The following PALM2AKAP2 variants were observed in gnomAD, a reference collection of about 807,000 sequenced individuals.
The protein encoded by PALM2AKAP2 is PALM2 and AKAP2 fusion.
Under a neutral mutation model 71.5 loss-of-function variants are expected in PALM2AKAP2, and 37 were observed. That is an observed-to-expected ratio of 0.52 (90% CI 0.40 to 0.68). The LOEUF is 0.68. Among genes scored for constraint, PALM2AKAP2 ranks in the 30% least tolerant of loss-of-function variants. The pLI is 0.00. For synonymous variants in PALM2AKAP2, 468 were observed against 478.8 expected (o/e 0.98, Z 0.29); for missense variants, 1,224 against 1,191.8 (o/e 1.03, Z -0.40).
At chr9:110,157,574 C>CT (rs1328464925) in intron 3 of PALM2AKAP2, among the ~76,000 whole-genome samples, 1 of 152,018 alleles carries the variant, frequency 6.6e-6, no homozygotes, top group Non-Finnish European at 1.5e-5. Context: ...TATTTTTTAA[C>CT]TTTTTTGTAG....
chr9:109,940,753 G>A (rs529955369), intron 6 of PALM2AKAP2, among the ~76,000 whole-genome samples: 19 of 152,260 alleles, frequency 1.2e-4, no homozygotes, highest in East Asian at 7.7e-4. Flanking sequence ...GTGAGAAGTC[G>A]TTATGGCCAC....
At chr9:109,943,478 G>A (rs1042104249) in intron 6 of PALM2AKAP2, 6 of 1,537,752 alleles carry the variant, frequency 3.9e-6, no homozygotes, top group East Asian at 2.2e-5. Flanking sequence ...CACCACTCAC[G>A]TAGACCTCAC....
intron 1 of PALM2AKAP2, among the ~76,000 whole-genome samples, chr9:110,112,601 T>C (rs897361360): frequency 2.0e-5 from 3 of 152,226 alleles, no homozygotes; most frequent in African/African-American, 7.2e-5. Flanking sequence ...AGGACCCATT[T>C]AGAGTATATG....
intron 1 of PALM2AKAP2, among the ~76,000 whole-genome samples, chr9:109,738,703 G>T (rs1828674537): frequency 6.6e-6 from 1 of 152,180 alleles, no homozygotes. Flanking sequence ...TACTTCCAAA[G>T]AGTTGAGAAT....
intron 1 of PALM2AKAP2, chr9:109,863,036 T>G: frequency 2.2e-6 from 1 of 455,794 alleles, no homozygotes; most frequent in Admixed American, 2.4e-5. Context: ...TGGGGAGACA[T>G]CCTTGGTTTT....
In PALM2AKAP2 at chr9:110,097,878, A is replaced by G. The variant is rs1179020608; in HGVS notation, c.157-38249A>G. ...CACTCCAGCCTGGGCACCATTGAGC[A>G]CTGAGTGAAGGAGACTCCGTCTGCA... On this transcript the variant is annotated intron_variant, in intron 1 of 3. Coordinates refer to ENST00000374525, the Ensembl canonical transcript of PALM2AKAP2. Among the ~76,000 whole-genome samples, 9 of 140,506 alleles carry G rather than the reference A, an allele frequency of 6.4e-5. No individual in the cohort carries two copies. In the South Asian group the frequency reaches 1.5e-3, roughly 24 times the overall value. 92.2% of individuals were successfully genotyped at this position (140,506 alleles called of 152,430 possible). A position where few individuals can be genotyped will look rare whatever the true frequency, so the allele number is the denominator to read the frequency against.
chr9:110,138,522 G>C (rs749098354), exon 2 of PALM2AKAP2: 1 of 1,604,054 alleles, frequency 6.2e-7, no homozygotes, highest in Non-Finnish European at 8.5e-7. Flanking sequence ...TCCAGAACAT[G>C]CTACAAAACT....
chr9:109,689,998 T>C (rs1827858555), intron 1 of PALM2AKAP2, among the ~76,000 whole-genome samples: 1 of 151,534 alleles, frequency 6.6e-6, no homozygotes, highest in African/African-American at 2.4e-5. Flanking sequence ...ACATCAAGAA[T>C]GGGGAAGAGT....
exon 2 of PALM2AKAP2, chr9:110,138,079 T>G (rs2119114273): frequency 1.2e-6 from 2 of 1,614,094 alleles, no homozygotes. Context: ...AAGCTGCGGC[T>G]TTCGGCTCAG....
chr9:109,925,053 TC>T lies in PALM2AKAP2; in HGVS notation c.373-6del. ...GAGTAACGCTCTGCCTTGTTTTTGT[TC>T]CTACAGGGTTTCTCCAGTACGGATG... On this transcript the variant is annotated splice_region_variant and splice_polypyrimidine_tract_variant and intron_variant, in intron 4 of 9. Coordinates refer to the PALM2AKAP2 transcript ENST00000302798. 6.2e-7 allele frequency: 1 copy of T among 1,614,150 alleles called. No homozygotes were observed. Among genetic ancestry groups the T allele is most frequent in the African/African-American group, 1.3e-5 (1 of 75,036 alleles).
At chr9:110,140,460 G>C (rs537173890) in intron 2 of PALM2AKAP2, among the ~76,000 whole-genome samples, 1 of 152,122 alleles carries the variant, frequency 6.6e-6, no homozygotes, top group Admixed American at 6.5e-5. Flanking sequence ...TGCTAGCTGT[G>C]CTCATTGTTA....
chr9:109,889,210 T>C (rs981896801), intron 3 of PALM2AKAP2, among the ~76,000 whole-genome samples: 23 of 152,222 alleles, frequency 1.5e-4, no homozygotes, highest in African/African-American at 5.3e-4. Flanking sequence ...AATAGTTGCT[T>C]TTTTGGTTTT....
At chr9:109,851,523 C>A (rs541372626) in intron 1 of PALM2AKAP2, among the ~76,000 whole-genome samples, 5 of 152,164 alleles carry the variant, frequency 3.3e-5, no homozygotes, top group Non-Finnish European at 7.3e-5. Context: ...AAGAGAGATA[C>A]ACATGTTATC....
intron 1 of PALM2AKAP2, among the ~76,000 whole-genome samples, chr9:109,714,458 A>G (rs1828287373): frequency 6.6e-6 from 1 of 152,132 alleles, no homozygotes; most frequent in African/African-American, 2.4e-5. Context: ...ATCATCCATG[A>G]ACAGCTGTTA....
chr9:109,851,603 C>T (rs934049213), intron 1 of PALM2AKAP2, among the ~76,000 whole-genome samples: 1 of 152,056 alleles, frequency 6.6e-6, no homozygotes, highest in Admixed American at 6.6e-5. Flanking sequence ...AGGACTGCTC[C>T]CCACTTTTGA....
At chr9:109,672,426 C>T (rs545166624) in intron 1 of PALM2AKAP2, among the ~76,000 whole-genome samples, 2 of 152,260 alleles carry the variant, frequency 1.3e-5, no homozygotes, top group Non-Finnish European at 2.9e-5. Context: ...ATATGTTGAA[C>T]CAACCTTGCA....
intron 1 of PALM2AKAP2, among the ~76,000 whole-genome samples, chr9:110,093,354 A>AGATGGGGC (rs1462174279): frequency 5.3e-5 from 8 of 152,178 alleles, no homozygotes; most frequent in African/African-American, 1.9e-4. Context: ...TAAGATGGGT[A>AGATGGGGC]GATGGGGCAT....
At chr9:109,691,907 C>CATATATATATAT (rs1827900563) in intron 1 of PALM2AKAP2, among the ~76,000 whole-genome samples, 1 of 69,880 alleles carries the variant, frequency 1.4e-5, no homozygotes, top group African/African-American at 6.6e-5. Flanking sequence ...TATATACACA[C>CATATATATATAT]ACACATATAT....
chr9:110,073,942 A>C (rs1834264915), intron 1 of PALM2AKAP2, among the ~76,000 whole-genome samples: 1 of 152,194 alleles, frequency 6.6e-6, no homozygotes, highest in Non-Finnish European at 1.5e-5. Context: ...CATGAATTGC[A>C]AAGGGAATAT....
Sources: gnomAD v4.1 joint callset for allele counts (sites outside exome capture counted in the v4.1 genomes callset) on GRCh38, gnomAD v4.1.1 for gene constraint, MANE v1.5 for transcripts, NCBI Gene and HGNC (gene_info 2026-07-23, HGNC 2026-07-21) for gene names.